The following PIGH variants were observed in gnomAD, a reference collection of about 807,000 sequenced individuals.
PIGH encodes the protein phosphatidylinositol glycan anchor biosynthesis class H.
In PIGH, 11 loss-of-function variants were observed where a neutral mutation model predicts 20.1. The ratio of observed to expected loss-of-function variants is 0.55; its 90% CI spans 0.34 to 0.91. The LOEUF is 0.91. Among genes scored for constraint, PIGH ranks in the 40% least tolerant of loss-of-function variants. PIGH has a pLI of 0.02. For missense variants in PIGH, 189 were observed against 233.6 expected, an observed-to-expected ratio of 0.81 and a Z score of 1.24; for synonymous variants, 72 against 93.1, an observed-to-expected ratio of 0.77 and a Z score of 1.31.
rs45571637 is a variant in PIGH, at chr14:67,589,736, C to A, written c.*344G>T. The stretch of plus-strand genomic sequence containing the variant: ...TTCTCAAGACATCTGATGTCAGTTT[C>A]CCATTGTTTTGCTTCACAAACATCA... On this transcript the variant is annotated 3_prime_UTR_variant, in exon 4 of 4. Transcript: ENST00000216452. 6,682 of 1,014,052 alleles carry A rather than the reference C, an allele frequency of 6.6e-3. 192 individuals are homozygous for A. The East Asian group carries it at 0.12, about 18-fold the overall frequency. 62.8% of individuals were successfully genotyped at this position (1,014,052 alleles called of 1,614,324 possible).
At chr14:67,594,672 T>G (rs1184640081) in intron 1 of PIGH, among the ~76,000 whole-genome samples, 1 of 151,318 alleles carries the variant, frequency 6.6e-6, no homozygotes, top group Non-Finnish European at 1.5e-5. Flanking sequence ...ACCCCAAATC[T>G]TTTCCTTTCA....
chr14:67,595,926 T>C (rs4899211), intron 1 of PIGH, among the ~76,000 whole-genome samples: 8,469 of 152,274 alleles, frequency 0.056, 468 homozygotes, highest in African/African-American at 0.15. Flanking sequence ...AAGGTCCTTA[T>C]CTCTTAAGGC....
chr14:67,595,543 CCTT>C (rs2140631492), intron 1 of PIGH, among the ~76,000 whole-genome samples: 1 of 152,336 alleles, frequency 6.6e-6, no homozygotes, highest in African/African-American at 2.4e-5. Context: ...GGTTCCCACT[CCTT>C]CTGCCAATGA....
intron 1 of PIGH, 48 bp downstream of exon 1, chr14:67,599,976 A>G (rs1346589359): frequency 6.7e-7 from 1 of 1,490,184 alleles, no homozygotes; most frequent in Non-Finnish European, 9.0e-7. Flanking sequence ...ACCCTCCCAA[A>G]GCCGAACCCC....
In PIGH at chr14:67,589,325, AT is replaced by A; in HGVS notation, c.*754del. The stretch of plus-strand genomic sequence containing the variant: ...GAAACAAAGGATTCAATATTTGCTT[AT>A]TTATTCTTTGTTAACATGAGAGTCC... On this transcript the variant is annotated 3_prime_UTR_variant, in exon 4 of 4. Transcript: ENST00000216452. 2.0e-6 allele frequency: 2 copies of A among 978,652 alleles called. No homozygotes were observed. Among genetic ancestry groups the A allele is most frequent in the Non-Finnish European group, 2.4e-6 (2 of 823,822 alleles). 60.6% of individuals were successfully genotyped at this position (978,652 alleles called of 1,614,324 possible). A position where few individuals can be genotyped will look rare whatever the true frequency, so the allele number is the denominator to read the frequency against.
chr14:67,600,233 C>T lies in PIGH; in HGVS notation c.-30G>A. On this transcript the variant is annotated 5_prime_UTR_variant, in exon 1 of 4. Coordinates refer to ENST00000216452, the MANE Select transcript of PIGH (RefSeq NM_004569.5). The stretch of plus-strand genomic sequence containing the variant: ...CCCCCACTCGGCCGCCCGCACCGCG[C>T]GGCGCTGCACTGCGCTCGCCGGCCC... The T allele has an allele frequency of 2.6e-6, 4 of 1,523,528 alleles. No individual in the cohort carries two copies. Among genetic ancestry groups the T allele is most frequent in the Non-Finnish European group, 3.5e-6 (4 of 1,136,868 alleles). The allele number at this position is 1,523,528 out of a possible 1,614,324, so 94.4% of individuals were successfully genotyped here.
intron 1 of PIGH, 94 bp downstream of exon 1, chr14:67,599,930 C>G: frequency 9.4e-7 from 1 of 1,065,948 alleles, no homozygotes. Flanking sequence ...TAGGAGGGGC[C>G]GACCAGAGGT....
chr14:67,598,163 C>T lies in PIGH; in HGVS notation c.180+1861G>A, dbSNP rs79661353. On this transcript the variant is annotated intron_variant, in intron 1 of 3. Transcript: ENST00000216452. Reference sequence around the variant, plus strand: ...CAGATTTCTTCTCATTCCAGATATTCATTACTCTCATAAACAGTTTTGAAT... The same window carrying T: ...CAGATTTCTTCTCATTCCAGATATTTATTACTCTCATAAACAGTTTTGAAT... 4.2e-3 allele frequency among the ~76,000 whole-genome samples: 644 copies of T among 152,198 alleles called. 43 individuals carry two copies. In the East Asian group the frequency reaches 0.11, roughly 27 times the overall value.
intron 1 of PIGH, among the ~76,000 whole-genome samples, chr14:67,598,420 G>A (rs2036512732): frequency 6.6e-6 from 1 of 152,172 alleles, no homozygotes; most frequent in East Asian, 1.9e-4. Context: ...CTCAGAGTCA[G>A]AAAGCCCTTG....
At position 67,593,820 on chromosome 14, in the gene PIGH, C is replaced by G; in HGVS notation, c.313G>C (p.Ala105Pro). The change falls in exon 2 of 4, where the codon GCT becomes CCT. Residue 105 changes from alanine (A) to proline (P), a missense_variant. Ala to Pro is a conservative substitution (Grantham distance 27). Coordinates refer to ENST00000216452, the MANE Select transcript of PIGH (RefSeq NM_004569.5). ...SLGIQMTSSY[A>P]SGKESTTFIE... ...AAGGTAGTGCTTTCTTTGCCTGAAG[C>G]ATAAGATGAAGTCATCTGAATGCCA... 6.2e-7 allele frequency: 1 copy of G among 1,613,610 alleles called. No individual in the cohort carries two copies. Among genetic ancestry groups the G allele is most frequent in the Non-Finnish European group, 8.5e-7 (1 of 1,179,558 alleles).
intron 3 of PIGH, among the ~76,000 whole-genome samples, chr14:67,590,950 T>C (rs191496537): frequency 2.0e-5 from 3 of 152,252 alleles, no homozygotes; most frequent in Admixed American, 6.5e-5. Flanking sequence ...CAGTTTAATA[T>C]GTAAATATTG....
chr14:67,596,315 T>TTTTTTTTTTTTTTTG, intron 1 of PIGH, among the ~76,000 whole-genome samples: 1 of 143,650 alleles, frequency 7.0e-6, no homozygotes. Context: ...TTTTTTTTTT[T>TTTTTTTTTTTTTTTG]TTTTTAGTAG....
rs2036548678 is a variant in PIGH at position 67,600,046 on chromosome 14, T to C, written c.158A>G (p.Tyr53Cys). The change falls in exon 1 of 4, where the codon TAC becomes TGC. Residue 53 changes from tyrosine to cysteine, a missense_variant. By Grantham distance (194) the Tyr-to-Cys change is radical. Coordinates refer to ENST00000216452, the MANE Select transcript of PIGH (RefSeq NM_004569.5). ...AVTCTVWLAAYGLFTLCENSM... is the reference protein window; with the variant it reads ...AVTCTVWLAACGLFTLCENSM... ...TACCTCGCAGAGGGTGAAGAGTCCG[T>C]AGGCCGCCAGCCACACCGTGCAGGT... The C allele has an allele frequency of 6.3e-7, 1 of 1,576,068 alleles. No homozygotes were observed. The highest frequency in any genetic ancestry group is 1.2e-5 in the South Asian group (1 of 86,200).
chr14:67,592,748 C>G, intron 2 of PIGH, 30 bp from the exon 3 acceptor site: 1 of 1,236,028 alleles, frequency 8.1e-7, no homozygotes. Flanking sequence ...ATAGCAAAGT[C>G]TAAGTGAAAC....
chr14:67,589,684 C>G lies in PIGH; in HGVS notation c.*396G>C. The stretch of plus-strand genomic sequence containing the variant: ...GGCTTGTTTTTTTCGTAACTTTACA[C>G]AAGGGGTACTATTGGAAAATATAGC... On this transcript the variant is annotated 3_prime_UTR_variant, in exon 4 of 4. Transcript: ENST00000216452. 1 of 992,096 alleles carries G rather than the reference C, an allele frequency of 1.0e-6. No individual in the cohort carries two copies. Among genetic ancestry groups the G allele is most frequent in the East Asian group, 1.1e-4 (1 of 9,078 alleles). The allele number at this position is 992,096 out of a possible 1,614,324, so 61.5% of individuals were successfully genotyped here.
At chr14:67,592,278 TAAA>T (rs751059303) in intron 3 of PIGH, 26 of 343,956 alleles carry the variant, frequency 7.6e-5, no homozygotes, top group South Asian at 1.4e-4. Context: ...CTACTAAAAA[TAAA>T]AAAAAAAAAT....
intron 1 of PIGH, among the ~76,000 whole-genome samples, chr14:67,594,726 C>A (rs1280024179): frequency 6.6e-6 from 1 of 151,666 alleles, no homozygotes; most frequent in Non-Finnish European, 1.5e-5. Flanking sequence ...TCCTGATAAA[C>A]CCATTATAAG....
rs564650833 is a variant in PIGH, at chr14:67,600,241, C to T, written c.-38G>A. On this transcript the variant is annotated 5_prime_UTR_variant, in exon 1 of 4. Transcript: ENST00000216452. ...CGGCCGCCCGCACCGCGCGGCGCTG[C>T]ACTGCGCTCGCCGGCCCTGGCCGTC... The T allele has an allele frequency of 1.9e-5, 29 of 1,505,760 alleles. No homozygotes were observed. The African/African-American group carries it at 3.7e-4, about 19-fold the overall frequency. The allele number at this position is 1,505,760 out of a possible 1,614,324, so 93.3% of individuals were successfully genotyped here.
intron 2 of PIGH, 109 bp downstream of exon 2, chr14:67,593,633 CT>C (rs1473949093): frequency 1.6e-6 from 1 of 643,724 alleles, no homozygotes; most frequent in African/African-American, 1.8e-5. Flanking sequence ...AGAGATTTAC[CT>C]TTTAAATATA....
Sources: gnomAD v4.1 joint callset for allele counts (sites outside exome capture counted in the v4.1 genomes callset) on GRCh38, gnomAD v4.1.1 for gene constraint, MANE v1.5 for transcripts, NCBI Gene and HGNC (gene_info 2026-07-23, HGNC 2026-07-21) for gene names.